Variants in TRAPPC9 observed in about 807,000 individuals in gnomAD.
The protein encoded by TRAPPC9 is trafficking protein particle complex subunit 9, also known as IKK2 binding protein.
In TRAPPC9, 83 loss-of-function variants were observed where a neutral mutation model predicts 124.0. The ratio of observed to expected loss-of-function variants is 0.67; its 90% confidence interval spans 0.56 to 0.80. The LOEUF is 0.80. Ranked by LOEUF, TRAPPC9 falls within the 30% of genes least tolerant of loss-of-function variation. The pLI is 0.00. For synonymous variants in TRAPPC9, 638 were observed against 617.5 expected, an observed-to-expected ratio of 1.03 and a Z score of -0.49; for missense variants, 1,302 against 1,508.3, an observed-to-expected ratio of 0.86 and a Z score of 2.27.
intron 21 of TRAPPC9, among the ~76,000 whole-genome samples, chr8:139,779,180 A>C (rs1490632925): frequency 6.6e-6 from 1 of 152,172 alleles, no homozygotes; most frequent in African/African-American, 2.4e-5. Context: ...ATGTAAGAGA[A>C]GTGACAGGGG....
intron 17 of TRAPPC9, among the ~76,000 whole-genome samples, chr8:140,187,540 G>C (rs570681893): frequency 6.6e-6 from 1 of 152,232 alleles, no homozygotes; most frequent in Admixed American, 6.5e-5. Context: ...TCTTCACTTG[G>C]ACCCTTGAAG....
chr8:139,986,574 G>A (rs574863134), intron 19 of TRAPPC9, among the ~76,000 whole-genome samples: 1 of 152,302 alleles, frequency 6.6e-6, no homozygotes, highest in African/African-American at 2.4e-5. Flanking sequence ...ACCACCTAAT[G>A]TGTTCATCTG....
intron 7 of TRAPPC9, among the ~76,000 whole-genome samples, chr8:140,376,732 C>T (rs1223353784): frequency 6.6e-6 from 1 of 151,456 alleles, no homozygotes; most frequent in African/African-American, 2.4e-5. Context: ...AAAAATTAGC[C>T]GGGCGTGATG....
At chr8:140,009,986 CCATTGATGCAAACTT>C (rs1839017224) in intron 18 of TRAPPC9, among the ~76,000 whole-genome samples, 2 of 152,102 alleles carry the variant, frequency 1.3e-5, no homozygotes, top group South Asian at 4.1e-4. Context: ...GGAACCAGGT[CCATTGATGCAAACTT>C]CACTGTACTC....
intron 18 of TRAPPC9, among the ~76,000 whole-genome samples, chr8:140,018,046 T>C (rs1368513046): frequency 1.3e-5 from 2 of 152,092 alleles, no homozygotes; most frequent in Admixed American, 6.5e-5. Flanking sequence ...GGTTTCACCA[T>C]ACTGGCCAGG....
chr8:140,032,322 T>A (rs1201404424), intron 17 of TRAPPC9, among the ~76,000 whole-genome samples: 1 of 152,268 alleles, frequency 6.6e-6, no homozygotes, highest in Non-Finnish European at 1.5e-5. Context: ...TGTAACCACC[T>A]TATTAGTTTT....
chr8:139,763,212 A>AAT lies in TRAPPC9; in HGVS notation c.3056-31011_3056-31010insAT, dbSNP rs1480444725. ...CAGGCTTTATAGAGGAAAAAGAACA[A>AAT]GGCGCTGAGAGGGTAAGCCATTTGG... On this transcript the variant is annotated intron_variant, in intron 21 of 22. Coordinates refer to ENST00000438773, the MANE Select transcript of TRAPPC9 (RefSeq NM_001160372.4). 4.6e-5 allele frequency among the ~76,000 whole-genome samples: 7 copies of AAT among 152,228 alleles called. No homozygotes were observed. In the South Asian group the frequency reaches 6.2e-4, roughly 14 times the overall value.
At chr8:140,074,678 G>C (rs1429813577) in intron 17 of TRAPPC9, among the ~76,000 whole-genome samples, 1 of 152,214 alleles carries the variant, frequency 6.6e-6, no homozygotes, top group Non-Finnish European at 1.5e-5. Flanking sequence ...TTCCTTAGGA[G>C]AAGACAAGCA....
intron 17 of TRAPPC9, among the ~76,000 whole-genome samples, chr8:140,133,866 AC>A: frequency 6.6e-6 from 1 of 152,256 alleles, no homozygotes; most frequent in Admixed American, 6.5e-5. Context: ...CTTGTACACT[AC>A]AAATTACAAA....
chr8:139,730,824 T>C lies in TRAPPC9; in HGVS notation c.*237A>G, dbSNP rs201138637. On this transcript the variant is annotated 3_prime_UTR_variant, in exon 23 of 23. Coordinates refer to ENST00000438773, the MANE Select transcript of TRAPPC9 (RefSeq NM_001160372.4). ...GGGATTTCCTCTGCTTCAGCCTGTG[T>C]ATGGTCCAGGGAACAGTGTAGGAAG... 3.8e-4 allele frequency: 217 copies of C among 568,342 alleles called. No individual in the cohort carries two copies. The East Asian group carries it at 5.5e-3, about 14-fold the overall frequency. 35.2% of individuals were successfully genotyped at this position (568,342 alleles called of 1,614,324 possible). A position where few individuals can be genotyped will look rare whatever the true frequency, so the allele number is the denominator to read the frequency against.
intron 17 of TRAPPC9, among the ~76,000 whole-genome samples, chr8:140,140,066 T>C (rs1425695739): frequency 3.3e-5 from 5 of 152,176 alleles, no homozygotes; most frequent in Non-Finnish European, 7.3e-5. Flanking sequence ...TTGTGTGCAG[T>C]GAGTGGCAAA....
intron 21 of TRAPPC9, among the ~76,000 whole-genome samples, chr8:139,822,628 G>GT (rs1383007527): frequency 6.6e-6 from 1 of 152,122 alleles, no homozygotes; most frequent in African/African-American, 2.4e-5. Flanking sequence ...GGATGGCGGG[G>GT]GGGGGCTGCC....
intron 21 of TRAPPC9, among the ~76,000 whole-genome samples, chr8:139,796,113 AG>A (rs1823066622): frequency 4.9e-5 from 7 of 142,272 alleles, no homozygotes; most frequent in African/African-American, 1.6e-4. Flanking sequence ...GAGGAAGAGG[AG>A]GAGGGAGGAG....
chr8:140,041,854 C>G (rs767614179), intron 17 of TRAPPC9, among the ~76,000 whole-genome samples: 21 of 152,082 alleles, frequency 1.4e-4, no homozygotes, highest in Non-Finnish European at 2.8e-4. Flanking sequence ...TACCTATAAT[C>G]CCAGCTATTC....
At chr8:139,784,569 A>C (rs1304072491) in intron 21 of TRAPPC9, among the ~76,000 whole-genome samples, 2 of 144,078 alleles carry the variant, frequency 1.4e-5, no homozygotes, top group East Asian at 4.1e-4. Context: ...GAGAGACTCC[A>C]TGTCAAATAA....
Position 139,776,444 on chromosome 8 carries a change from C to CT in TRAPPC9, c.3056-44243dup, listed in dbSNP as rs1821387634. ...GGTGGCACCAGGGTGAAGACACATGCTCATCACCCAGGGGTTAGCGTCGCT... is the reference window on the plus strand; with the variant it reads ...GGTGGCACCAGGGTGAAGACACATGCTTCATCACCCAGGGGTTAGCGTCGCT... On this transcript the variant is annotated intron_variant, in intron 21 of 22. Coordinates refer to ENST00000438773, the MANE Select transcript of TRAPPC9 (RefSeq NM_001160372.4). This position sits in a 1 kb window ranked among gnomAD's most constrained non-coding sequence, Gnocchi z 4.1. 6.6e-6 allele frequency among the ~76,000 whole-genome samples: 1 copy of CT among 152,256 alleles called. No individual in the cohort carries two copies. The highest frequency in any genetic ancestry group is 6.5e-5 in the Admixed American group (1 of 15,290).
chr8:140,444,035 C>CAAAAAAAAA (rs35121401), intron 2 of TRAPPC9, among the ~76,000 whole-genome samples: 2 of 40,912 alleles, frequency 4.9e-5, no homozygotes, highest in Non-Finnish European at 8.3e-5. Flanking sequence ...GACTCCATCT[C>CAAAAAAAAA]AAAAAAAAAA....
chr8:139,733,984 C>T (rs1817998229), intron 21 of TRAPPC9, among the ~76,000 whole-genome samples: 1 of 152,258 alleles, frequency 6.6e-6, no homozygotes, highest in Admixed American at 6.5e-5. Flanking sequence ...ACTGCCCTCA[C>T]ACGCAGGTGA....
At chr8:140,171,210 C>T (rs1168080227) in intron 17 of TRAPPC9, among the ~76,000 whole-genome samples, 1 of 152,132 alleles carries the variant, frequency 6.6e-6, no homozygotes, top group Non-Finnish European at 1.5e-5. Flanking sequence ...ACCAAAATAT[C>T]CTCTTCAATC....
Sources: allele counts gnomAD v4.1 joint callset (sites outside exome capture counted in the v4.1 genomes callset), GRCh38; gene constraint gnomAD v4.1.1; non-coding constraint Gnocchi (gnomAD v3.1); transcripts MANE v1.5; gene names NCBI Gene and HGNC (gene_info 2026-07-23, HGNC 2026-07-21).